Variants in C12orf42 observed in about 807,000 individuals in gnomAD.
C12orf42 encodes uncharacterized protein C12orf42.
C12orf42 carries 25 observed loss-of-function variants against 21.6 expected under a neutral mutation model. The observed-to-expected ratio is 1.16, with a 90% CI of 0.84 to 1.62. The LOEUF is 1.62. Ranked by LOEUF, C12orf42 falls within the 40% of genes most tolerant of loss-of-function variation. The pLI is 0.00. For synonymous variants in C12orf42, 174 were observed against 175.0 expected (o/e 0.99, Z 0.05); for missense variants, 483 against 459.3 (o/e 1.05, Z -0.47).
chr12:103,354,401 C>T (rs1358393243), intron 4 of C12orf42, among the ~76,000 whole-genome samples: 2 of 152,086 alleles, frequency 1.3e-5, no homozygotes, highest in Non-Finnish European at 2.9e-5. Context: ...AGTCATGGTC[C>T]CTATGCTACT....
chr12:103,542,576 G>A, the C12orf42 span, among the ~76,000 whole-genome samples: 1 of 152,244 alleles, frequency 6.6e-6, no homozygotes, highest in Non-Finnish European at 1.5e-5. Flanking sequence ...ATGAACAAGT[G>A]CATGTGGCCA....
At chr12:103,086,634 A>G in the C12orf42 span, among the ~76,000 whole-genome samples, 1 of 151,812 alleles carries the variant, frequency 6.6e-6, no homozygotes, top group Non-Finnish European at 1.5e-5. Flanking sequence ...GTGCCGTGCA[A>G]CTAAAGGGCA....
chr12:103,226,522 G>C, the C12orf42 span, among the ~76,000 whole-genome samples: 2 of 152,100 alleles, frequency 1.3e-5, no homozygotes, highest in African/African-American at 4.8e-5. Context: ...CTTCTGATTT[G>C]GGATAAAGAA....
chr12:103,505,492 A>T, the C12orf42 span: 1 of 389,510 alleles, frequency 2.6e-6, no homozygotes, highest in Non-Finnish European at 4.8e-6. Flanking sequence ...GGAACGTGGT[A>T]GGGACGGCAT....
chr12:103,510,291 T>C, the C12orf42 span, among the ~76,000 whole-genome samples: 1 of 152,112 alleles, frequency 6.6e-6, no homozygotes, highest in Admixed American at 6.6e-5. Flanking sequence ...TCACTCATAG[T>C]TGGGAGCTAA....
the C12orf42 span, among the ~76,000 whole-genome samples, chr12:103,164,012 C>T: frequency 6.6e-6 from 1 of 152,294 alleles, no homozygotes; most frequent in East Asian, 1.9e-4. Context: ...AGCCCATGCA[C>T]CTTCCACCAG....
At chr12:103,146,567 A>AGAAAG in the C12orf42 span, among the ~76,000 whole-genome samples, 1 of 140,336 alleles carries the variant, frequency 7.1e-6, no homozygotes, top group African/African-American at 2.8e-5. Context: ...AAGAAAAGAA[A>AGAAAG]GAAAGAAAGA....
chr12:103,204,865 A>T, the C12orf42 span, among the ~76,000 whole-genome samples: 1 of 123,786 alleles, frequency 8.1e-6, no homozygotes, highest in Admixed American at 8.1e-5. Context: ...TGTAATATTG[A>T]CCTATTTACA....
the C12orf42 span, among the ~76,000 whole-genome samples, chr12:103,126,413 G>T: frequency 1.3e-5 from 2 of 152,162 alleles, no homozygotes; most frequent in Non-Finnish European, 2.9e-5. Context: ...AACTAGGAAT[G>T]AGTAACTTCT....
the C12orf42 span, among the ~76,000 whole-genome samples, chr12:103,512,493 T>C: frequency 1.3e-5 from 2 of 152,232 alleles, no homozygotes; most frequent in African/African-American, 4.8e-5. Context: ...ATAGAAATGA[T>C]ATCTACTCAA....
At chr12:103,174,585 C>A in the C12orf42 span, among the ~76,000 whole-genome samples, 1 of 152,208 alleles carries the variant, frequency 6.6e-6, no homozygotes, top group South Asian at 2.1e-4. Context: ...GTTTTTTAGC[C>A]TGACTTCTAA....
intron 4 of C12orf42, among the ~76,000 whole-genome samples, chr12:103,367,767 TC>T (rs202205656): frequency 5.9e-5 from 9 of 151,602 alleles, no homozygotes; most frequent in Admixed American, 1.3e-4. Flanking sequence ...AAATGTATTA[TC>T]CCCCCCCAAA....
chr12:103,560,747 T>C, the C12orf42 span, among the ~76,000 whole-genome samples: 1 of 152,188 alleles, frequency 6.6e-6, no homozygotes, highest in Non-Finnish European at 1.5e-5. Flanking sequence ...TTGCTAGTCA[T>C]ACGCAAAGTC....
At chr12:103,282,383 T>G (rs977331080) in intron 4 of C12orf42, among the ~76,000 whole-genome samples, 1 of 152,202 alleles carries the variant, frequency 6.6e-6, no homozygotes, top group Non-Finnish European at 1.5e-5. Context: ...TCCTCTAAGA[T>G]TATAATGCTG....
At chr12:103,271,259 C>T (rs1001414578) in intron 5 of C12orf42, among the ~76,000 whole-genome samples, 26 of 152,142 alleles carry the variant, frequency 1.7e-4, no homozygotes, top group African/African-American at 5.3e-4. Flanking sequence ...TGTACAACAG[C>T]AGCTTAACCG....
At chr12:103,210,570 G>A in the C12orf42 span, among the ~76,000 whole-genome samples, 45 of 147,028 alleles carry the variant, frequency 3.1e-4, no homozygotes, top group East Asian at 8.1e-3. Flanking sequence ...GGGCTATATT[G>A]CATTTCATGA....
At chr12:103,401,160 G>A (rs769979521) in intron 3 of C12orf42, among the ~76,000 whole-genome samples, 21 of 152,038 alleles carry the variant, frequency 1.4e-4, no homozygotes, top group Non-Finnish European at 2.2e-4. Context: ...GAAAAAGAGC[G>A]TTAGCAACCA....
intron 4 of C12orf42, among the ~76,000 whole-genome samples, chr12:103,359,977 C>A (rs2043939404): frequency 6.6e-6 from 1 of 151,560 alleles, no homozygotes; most frequent in South Asian, 2.1e-4. Flanking sequence ...AGTAGTTCTC[C>A]TAGTCATCCC....
intron 3 of C12orf42, among the ~76,000 whole-genome samples, chr12:103,384,870 T>C (rs1031986572): frequency 6.6e-6 from 1 of 152,180 alleles, no homozygotes; most frequent in Non-Finnish European, 1.5e-5. Context: ...ACATAAAAAT[T>C]AGGAGACCTA....
Sources: gnomAD v4.1 joint callset for allele counts (sites outside exome capture counted in the v4.1 genomes callset) on GRCh38, gnomAD v4.1.1 for gene constraint, MANE v1.5 for transcripts, NCBI Gene and HGNC (gene_info 2026-07-23, HGNC 2026-07-21) for gene names.